Variants in SPATS2 observed in about 807,000 individuals in gnomAD.
The protein encoded by SPATS2 is spermatogenesis associated serine rich 2, also known as spermatogenesis-associated serine-rich protein 2.
SPATS2 carries 38 observed loss-of-function variants against 63.7 expected under a neutral mutation model. The ratio of observed to expected loss-of-function variants is 0.60; its 90% CI spans 0.46 to 0.78. SPATS2 has a LOEUF of 0.78. SPATS2 is among the 30% of genes least tolerant of loss of function. The probability of loss-of-function intolerance (pLI) is 0.00; values close to 1 mark genes in which losing one functional copy is unlikely to be tolerated. For synonymous variants in SPATS2, 207 were observed against 232.9 expected, an observed-to-expected ratio of 0.89 and a Z score of 1.01; for missense variants, 588 against 666.2, an observed-to-expected ratio of 0.88 and a Z score of 1.29.
At position 49,428,235 on chromosome 12, in the gene SPATS2, A is replaced by G. The variant is rs374934215; in HGVS notation, c.-243-32535A>G. 5.9e-5 allele frequency among the ~76,000 whole-genome samples: 9 copies of G among 152,184 alleles called. No individual in the cohort carries two copies. In the South Asian group the frequency reaches 1.0e-3, roughly 18 times the overall value. On this transcript the variant is annotated intron_variant, in intron 2 of 13. Transcript: ENST00000552918. ...GCGCCACTGCACTCCAGCCTGGGCT[A>G]AGGAGCGAGACCCCGTCTCAAAAAA...
In SPATS2 at chr12:49,412,035, T is replaced by TA. The variant is rs1944806163; in HGVS notation, c.-244+40746dup. The stretch of plus-strand genomic sequence containing the variant: ...GCAAAAGGTTTATTTTTTCCAAACT[T>TA]ACAGGATTTAAAGATGACGAGGCCT... On this transcript the variant is annotated intron_variant, in intron 2 of 13. Coordinates refer to ENST00000552918, the MANE Select transcript of SPATS2 (RefSeq NM_023071.4). Among the ~76,000 whole-genome samples, 3 of 152,260 alleles carry TA rather than the reference T, an allele frequency of 2.0e-5. No homozygotes were observed. The South Asian group carries it at 6.3e-4, about 32-fold the overall frequency.
At chr12:49,506,027 A>C (rs1033325025) in intron 9 of SPATS2, among the ~76,000 whole-genome samples, 2 of 152,200 alleles carry the variant, frequency 1.3e-5, no homozygotes, top group African/African-American at 4.8e-5. Flanking sequence ...TTTGTTTTTC[A>C]CTTTTAGTGT....
chr12:49,375,009 G>A (rs1022714597), intron 2 of SPATS2, among the ~76,000 whole-genome samples: 1 of 147,492 alleles, frequency 6.8e-6, no homozygotes. Context: ...TGGAGGTTTT[G>A]GGGGATCTCC....
At chr12:49,441,245 C>T (rs544526271) in intron 2 of SPATS2, among the ~76,000 whole-genome samples, 1 of 152,118 alleles carries the variant, frequency 6.6e-6, no homozygotes, top group Non-Finnish European at 1.5e-5. Flanking sequence ...GTACTTATTT[C>T]TAAGTAATAG....
chr12:49,491,543 C>T (rs569944905), intron 6 of SPATS2, among the ~76,000 whole-genome samples: 1 of 151,216 alleles, frequency 6.6e-6, no homozygotes, highest in East Asian at 1.9e-4. Context: ...AACCTGATCT[C>T]AAAAAAAAGG....
At chr12:49,462,291 G>A (rs1945834328) in intron 3 of SPATS2, 5 of 702,382 alleles carry the variant, frequency 7.1e-6, no homozygotes, top group Non-Finnish European at 1.0e-5. Flanking sequence ...GAGCGCGAGT[G>A]AACAAGGAAG....
intron 2 of SPATS2, among the ~76,000 whole-genome samples, chr12:49,415,643 G>A (rs935364238): frequency 6.6e-6 from 1 of 151,956 alleles, no homozygotes; most frequent in African/African-American, 2.4e-5. Flanking sequence ...GTTTTTCTGT[G>A]GTTACCCAAT....
At chr12:49,472,625 A>ATG (rs1043291497) in intron 3 of SPATS2, among the ~76,000 whole-genome samples, 1 of 147,456 alleles carries the variant, frequency 6.8e-6, no homozygotes, top group Admixed American at 6.8e-5. Context: ...ATATATATAT[A>ATG]TATAAAATAT....
chr12:49,377,852 C>A (rs1045318206), intron 2 of SPATS2, among the ~76,000 whole-genome samples: 2 of 152,170 alleles, frequency 1.3e-5, no homozygotes, highest in African/African-American at 4.8e-5. Context: ...GAATCTACTC[C>A]CCTACCTACT....
At chr12:49,446,149 C>G (rs1385339176) in intron 2 of SPATS2, among the ~76,000 whole-genome samples, 1 of 152,082 alleles carries the variant, frequency 6.6e-6, no homozygotes, top group Non-Finnish European at 1.5e-5. Flanking sequence ...GGTGATCTGC[C>G]CGCCTTGACC....
chr12:49,469,887 CA>C (rs112020645), intron 3 of SPATS2, among the ~76,000 whole-genome samples: 13 of 144,318 alleles, frequency 9.0e-5, no homozygotes, highest in Admixed American at 1.4e-4. Context: ...GATTCTGTCT[CA>C]AAAAAAAAAG....
At chr12:49,477,342 T>TTCAGAATATAGTTGAAATGGCACTCAAA (rs1946135244) in intron 3 of SPATS2, among the ~76,000 whole-genome samples, 1 of 152,186 alleles carries the variant, frequency 6.6e-6, no homozygotes, top group Non-Finnish European at 1.5e-5. Context: ...CACAGCATCC[T>TTCAGAATATAGTTGAAATGGCACTCAAA]TCAGAATATA....
At chr12:49,478,518 A>G (rs1946155334) in intron 3 of SPATS2, among the ~76,000 whole-genome samples, 2 of 152,124 alleles carry the variant, frequency 1.3e-5, no homozygotes, top group Non-Finnish European at 2.9e-5. Flanking sequence ...TTATGGTCCA[A>G]TATTGGCTGT....
chr12:49,416,358 A>G (rs865914546), intron 2 of SPATS2, among the ~76,000 whole-genome samples: 4 of 152,146 alleles, frequency 2.6e-5, no homozygotes, highest in Middle Eastern at 3.2e-3. Flanking sequence ...GGAAGCCTTA[A>G]CAGCTGGTGT....
chr12:49,464,203 T>A (rs1234476659), intron 3 of SPATS2, among the ~76,000 whole-genome samples: 1 of 151,280 alleles, frequency 6.6e-6, no homozygotes, highest in African/African-American at 2.4e-5. Context: ...CACCAAAATC[T>A]TGTTTTAAAA....
intron 6 of SPATS2, among the ~76,000 whole-genome samples, chr12:49,493,939 T>G (rs537010136): frequency 6.6e-6 from 1 of 152,256 alleles, no homozygotes; most frequent in Non-Finnish European, 1.5e-5. Flanking sequence ...ATAGTCATCC[T>G]GCTGTTTAGA....
intron 2 of SPATS2, among the ~76,000 whole-genome samples, chr12:49,388,696 CTT>C (rs76248274): frequency 2.3e-4 from 31 of 136,052 alleles, no homozygotes; most frequent in Non-Finnish European, 2.6e-4. Flanking sequence ...TTTTTTTTTC[CTT>C]TTTTTTTTTT....
At chr12:49,425,824 G>A (rs1363075418) in intron 2 of SPATS2, among the ~76,000 whole-genome samples, 2 of 151,592 alleles carry the variant, frequency 1.3e-5, no homozygotes, top group Non-Finnish European at 2.9e-5. Context: ...TAGAGACGGG[G>A]GTTTCACCAC....
At chr12:49,401,035 A>G (rs1176119974) in intron 2 of SPATS2, among the ~76,000 whole-genome samples, 1 of 151,920 alleles carries the variant, frequency 6.6e-6, no homozygotes, top group East Asian at 1.9e-4. Flanking sequence ...ACAACGCCTG[A>G]CTAATTTTTT....
Sources: gnomAD v4.1 joint callset for allele counts (sites outside exome capture counted in the v4.1 genomes callset) on GRCh38, gnomAD v4.1.1 for gene constraint, MANE v1.5 for transcripts, NCBI Gene and HGNC (gene_info 2026-07-23, HGNC 2026-07-21) for gene names.